Variants in ATP11C observed in about 807,000 individuals in gnomAD.
ATP11C encodes ATPase phospholipid transporting 11C (ATP11C blood group).
A neutral mutation model predicts 97.4 loss-of-function variants in ATP11C; 36 were observed. The observed-to-expected ratio is 0.37, with a 90% confidence interval of 0.28 to 0.49. ATP11C has a LOEUF of 0.49. ATP11C is among the 20% of genes least tolerant of loss of function. The pLI is 0.98. For missense variants in ATP11C, 730 were observed against 824.6 expected, an observed-to-expected ratio of 0.89 and a Z score of 1.40; for synonymous variants, 275 against 290.9, an observed-to-expected ratio of 0.95 and a Z score of 0.56.
chrX:139,841,795 T>A (rs1007501456), intron 1 of ATP11C, among the ~76,000 whole-genome samples: 48 of 112,242 alleles, frequency 4.3e-4, no homozygotes, highest in Non-Finnish European at 7.5e-4. Context: ...TATACATACA[T>A]ACACATATAT....
At chrX:139,767,664 C>CAG (rs1023579634) in intron 20 of ATP11C, among the ~76,000 whole-genome samples, 1 of 111,235 alleles carries the variant, frequency 9.0e-6, no homozygotes, top group Non-Finnish European at 1.9e-5. Context: ...CTTGCTTATC[C>CAG]AGAGAGAGAC....
intron 1 of ATP11C, among the ~76,000 whole-genome samples, chrX:139,893,549 C>A (rs1396888933): frequency 8.9e-6 from 1 of 111,842 alleles, no homozygotes; most frequent in East Asian, 2.8e-4. Flanking sequence ...ATTCCTCTTA[C>A]ATTTTTATCT....
chrX:139,782,960 AT>A (rs775924913), intron 17 of ATP11C, among the ~76,000 whole-genome samples: 1 of 112,086 alleles, frequency 8.9e-6, no homozygotes, highest in Admixed American at 9.4e-5. Context: ...AAGGCTGCAA[AT>A]TCTGACCTGA....
At chrX:139,865,487 C>A (rs977858742) in intron 1 of ATP11C, among the ~76,000 whole-genome samples, 1 of 112,101 alleles carries the variant, frequency 8.9e-6, no homozygotes, top group Non-Finnish European at 1.9e-5. Context: ...ACAGGCCAGG[C>A]GTGGTGGCTC....
chrX:139,869,997 CT>C (rs745845485), intron 1 of ATP11C, among the ~76,000 whole-genome samples: 2 of 109,054 alleles, frequency 1.8e-5, no homozygotes, highest in Admixed American at 2.0e-4. Flanking sequence ...AGACATTTTG[CT>C]AAATGAAATA....
chrX:139,900,699 G>A (rs763480989), intron 1 of ATP11C, among the ~76,000 whole-genome samples: 52 of 111,863 alleles, frequency 4.6e-4, no homozygotes, highest in Non-Finnish European at 8.3e-4. Flanking sequence ...AAATGGGGAG[G>A]GGGCAAAAAG....
At chrX:139,888,999 G>T (rs1029201476) in intron 1 of ATP11C, among the ~76,000 whole-genome samples, 6 of 110,849 alleles carry the variant, frequency 5.4e-5, no homozygotes, top group African/African-American at 2.0e-4. Flanking sequence ...GTAGAGATGG[G>T]GTTTCACCAT....
intron 1 of ATP11C, among the ~76,000 whole-genome samples, chrX:139,841,864 T>A (rs1438083184): frequency 8.9e-6 from 1 of 112,307 alleles, no homozygotes; most frequent in Non-Finnish European, 1.9e-5. Flanking sequence ...GTGATTTTTT[T>A]AAGTGATTTC....
At chrX:139,774,654 A>G in intron 19 of ATP11C, 36 bp downstream of exon 19, 1 of 1,134,413 alleles carries the variant, frequency 8.8e-7, no homozygotes, top group Non-Finnish European at 1.2e-6. Context: ...CATCTACACC[A>G]ATGTCTAAAT....
Position 139,728,797 on chromosome X carries a change from G to C in ATP11C, c.*169C>G. The C allele has an allele frequency of 1.7e-6, 1 of 573,044 alleles. No homozygotes were observed. The allele number at this position is 573,044 out of a possible 1,213,427, so 47.2% of individuals were successfully genotyped here. A position where few individuals can be genotyped will look rare whatever the true frequency, so the allele number is the denominator to read the frequency against. Reference sequence around the variant, plus strand: ...TAAGAGAATCATTTGGTATTTTAATGAACATTTATTGTGAACTCTAGACAT... The same window carrying C: ...TAAGAGAATCATTTGGTATTTTAATCAACATTTATTGTGAACTCTAGACAT... On this transcript the variant is annotated 3_prime_UTR_variant, in exon 30 of 30. Coordinates refer to ENST00000682941, the MANE Select transcript of ATP11C (RefSeq NM_001353812.2).
chrX:139,855,887 C>G (rs1464042360), intron 1 of ATP11C, among the ~76,000 whole-genome samples: 1 of 111,792 alleles, frequency 8.9e-6, no homozygotes, highest in Non-Finnish European at 1.9e-5. Context: ...CCGATGTAGA[C>G]CTTTATATCG....
rs781455597 is a variant in ATP11C at position 139,794,128 on chromosome X, A to G, written c.1206+2145T>C. Among the ~76,000 whole-genome samples, 6 of 112,457 alleles carry G rather than the reference A, an allele frequency of 5.3e-5. No individual in the cohort carries two copies. The East Asian group carries it at 1.4e-3, about 26-fold the overall frequency. On this transcript the variant is annotated intron_variant, in intron 12 of 29. Coordinates refer to ENST00000682941, the MANE Select transcript of ATP11C (RefSeq NM_001353812.2). Reference sequence around the variant, plus strand: ...TAAAAGATTGATGTCTAATCATAAAAGACTGCATTATTTTCCAACTGAGCT... The same window carrying G: ...TAAAAGATTGATGTCTAATCATAAAGGACTGCATTATTTTCCAACTGAGCT...
At chrX:139,854,613 G>C (rs1478410170) in intron 1 of ATP11C, among the ~76,000 whole-genome samples, 1 of 112,142 alleles carries the variant, frequency 8.9e-6, no homozygotes, top group South Asian at 3.7e-4. Context: ...GAAAAAAAAA[G>C]TGTCTTATAA....
intron 19 of ATP11C, 125 bp from the exon 20 acceptor site, chrX:139,768,559 C>T: frequency 2.6e-6 from 1 of 378,624 alleles, no homozygotes; most frequent in Non-Finnish European, 4.2e-6. Flanking sequence ...GGTTCCTCAA[C>T]CTGTTCACTC....
chrX:139,788,429 T>A, intron 13 of ATP11C, 86 bp from the exon 14 acceptor site: 1 of 865,661 alleles, frequency 1.2e-6, no homozygotes, highest in Non-Finnish European at 1.7e-6. Flanking sequence ...TATATTAATG[T>A]GAGAGAATGT....
intron 1 of ATP11C, among the ~76,000 whole-genome samples, chrX:139,922,222 A>AT (rs2148172043): frequency 6.3e-5 from 2 of 31,972 alleles, no homozygotes; most frequent in South Asian, 2.7e-3. Context: ...CTCCTTCTCT[A>AT]AATATATATA....
In ATP11C at chrX:139,774,818, C is replaced by G. The variant is rs751934470; in HGVS notation, c.2088G>C (p.Glu696Asp). Residue 696 changes from glutamate to aspartate, a missense_variant, in exon 19 of 30, where the codon GAG becomes GAC. Coordinates refer to ENST00000682941, the MANE Select transcript of ATP11C (RefSeq NM_001353812.2). The stretch of plus-strand genomic sequence containing the variant: ...TGGTTTTTGTGGTTAGTTCTAAGAG[C>G]TCAGTGTTGGTCTGGAAAAGGCGGC... ...YACRLFQTNT[E>D]LLELTTKTIE... 6 of 1,211,862 alleles carry G rather than the reference C, an allele frequency of 5.0e-6. No homozygotes were observed. The highest frequency in any genetic ancestry group is 6.7e-6 in the Non-Finnish European group (6 of 895,575).
intron 1 of ATP11C, among the ~76,000 whole-genome samples, chrX:139,856,286 G>T (rs1039747761): frequency 8.9e-6 from 1 of 112,577 alleles, no homozygotes; most frequent in East Asian, 2.8e-4. Context: ...GGCACCCTGC[G>T]GGTCAGCCCC....
chrX:139,836,997 A>AAC (rs908858172), intron 1 of ATP11C, among the ~76,000 whole-genome samples: 1 of 110,511 alleles, frequency 9.0e-6, no homozygotes, highest in African/African-American at 3.3e-5. Flanking sequence ...GTAAAATGAA[A>AAC]ACACACACAC....
Sources: allele counts gnomAD v4.1 joint callset (sites outside exome capture counted in the v4.1 genomes callset), GRCh38; gene constraint gnomAD v4.1.1; transcripts MANE v1.5; gene names NCBI Gene and HGNC (gene_info 2026-07-23, HGNC 2026-07-21).